AOPEP: variants seen among roughly 807,000 people sequenced by gnomAD.
AOPEP encodes aminopeptidase O (putative), also known as aminopeptidase O.
In AOPEP, 77 loss-of-function variants were observed where a neutral mutation model predicts 98.1. The ratio of observed to expected loss-of-function variants is 0.78; its 90% CI spans 0.65 to 0.95. The LOEUF (loss-of-function observed/expected upper bound fraction) is 0.95. Ranked by LOEUF, AOPEP falls within the 40% of genes least tolerant of loss-of-function variation. The probability of loss-of-function intolerance (pLI) is 0.00; values close to 1 mark genes in which losing one functional copy is unlikely to be tolerated. For synonymous variants in AOPEP, 346 were observed against 365.3 expected (o/e 0.95, Z 0.60); for missense variants, 1,024 against 1,024.7 (o/e 1.00, Z 0.01).
At chr9:94,969,596 A>T (rs949763763) in intron 10 of AOPEP, among the ~76,000 whole-genome samples, 1 of 151,912 alleles carries the variant, frequency 6.6e-6, no homozygotes, top group Non-Finnish European at 1.5e-5. Flanking sequence ...TTTAGTAGAG[A>T]TGGGGTTTCA....
the AOPEP span, among the ~76,000 whole-genome samples, chr9:95,106,882 A>G: frequency 2.0e-5 from 3 of 152,176 alleles, no homozygotes; most frequent in Non-Finnish European, 2.9e-5. Flanking sequence ...CTTCTATGAC[A>G]TAAAGGTGCT....
At chr9:94,879,496 C>G (rs2047331487) in intron 5 of AOPEP, among the ~76,000 whole-genome samples, 1 of 152,176 alleles carries the variant, frequency 6.6e-6, no homozygotes, top group Non-Finnish European at 1.5e-5. Flanking sequence ...TATTTAACTG[C>G]TTTTAACTTA....
chr9:94,757,107 CAG>C (rs1238512516), intron 1 of AOPEP, among the ~76,000 whole-genome samples: 1 of 152,126 alleles, frequency 6.6e-6, no homozygotes, highest in Non-Finnish European at 1.5e-5. Flanking sequence ...TTCAGTGGGG[CAG>C]AATAAGCTTA....
chr9:94,830,525 A>G (rs898502483), intron 5 of AOPEP, among the ~76,000 whole-genome samples: 1 of 152,240 alleles, frequency 6.6e-6, no homozygotes, highest in African/African-American at 2.4e-5. Flanking sequence ...TCTTTATAAT[A>G]AAATGATTTA....
At chr9:94,841,865 A>G (rs2042312026) in intron 5 of AOPEP, among the ~76,000 whole-genome samples, 1 of 152,124 alleles carries the variant, frequency 6.6e-6, no homozygotes, top group Non-Finnish European at 1.5e-5. Flanking sequence ...CAGCCAGGGC[A>G]ACAAAGCGAG....
At chr9:94,730,615 ATC>A (rs1309719916) in intron 1 of AOPEP, among the ~76,000 whole-genome samples, 4 of 152,224 alleles carry the variant, frequency 2.6e-5, no homozygotes, top group Non-Finnish European at 5.9e-5. Context: ...AAAATATAGG[ATC>A]TCTCTATCTT....
intron 13 of AOPEP, among the ~76,000 whole-genome samples, chr9:95,016,644 A>G (rs904637959): frequency 1.3e-5 from 2 of 151,854 alleles, no homozygotes; most frequent in Non-Finnish European, 2.9e-5. Flanking sequence ...ATGGGGTCTC[A>G]TTCTGTCACC....
At chr9:94,762,648 G>T (rs754351102) in intron 2 of AOPEP, among the ~76,000 whole-genome samples, 18 of 152,232 alleles carry the variant, frequency 1.2e-4, no homozygotes, top group Middle Eastern at 3.4e-3. Context: ...CTGAGGATAA[G>T]AAAAATTATT....
At chr9:94,821,911 A>G (rs960998939) in intron 5 of AOPEP, among the ~76,000 whole-genome samples, 2 of 151,880 alleles carry the variant, frequency 1.3e-5, no homozygotes, top group African/African-American at 2.4e-5. Context: ...CTAAAAGGCA[A>G]CCATTTTAGT....
intron 2 of AOPEP, among the ~76,000 whole-genome samples, chr9:94,767,003 C>A (rs1029274499): frequency 6.6e-6 from 1 of 151,996 alleles, no homozygotes; most frequent in East Asian, 1.9e-4. Flanking sequence ...CTCCCCCCTC[C>A]CCCCACTGAA....
intron 5 of AOPEP, among the ~76,000 whole-genome samples, chr9:94,813,112 C>G (rs555921714): frequency 3.9e-5 from 6 of 152,020 alleles, no homozygotes; most frequent in Non-Finnish European, 8.8e-5. Context: ...ATTGGCTATA[C>G]GTTGTTAAGC....
chr9:94,816,285 T>C (rs1409928827), intron 5 of AOPEP, among the ~76,000 whole-genome samples: 1 of 152,228 alleles, frequency 6.6e-6, no homozygotes, highest in African/African-American at 2.4e-5. Flanking sequence ...GTTGTCAGCA[T>C]AAGCCTTGGC....
chr9:94,996,391 T>TGTGTGAGAGA (rs375605056), intron 11 of AOPEP, among the ~76,000 whole-genome samples: 1 of 144,658 alleles, frequency 6.9e-6, no homozygotes, highest in African/African-American at 2.6e-5. Context: ...TGTGTGTGTG[T>TGTGTGAGAGA]GAGAGAGAGA....
intron 5 of AOPEP, among the ~76,000 whole-genome samples, chr9:94,816,109 A>G (rs777970547): frequency 1.3e-5 from 2 of 152,132 alleles, no homozygotes; most frequent in African/African-American, 4.8e-5. Flanking sequence ...TTATTTTATC[A>G]TAGTTCACAG....
the AOPEP span, among the ~76,000 whole-genome samples, chr9:95,121,970 G>C: frequency 5.0e-4 from 76 of 150,658 alleles, no homozygotes; most frequent in African/African-American, 1.8e-3. Context: ...CCATTATCCT[G>C]CCTCAGCCTC....
intron 5 of AOPEP, among the ~76,000 whole-genome samples, chr9:94,834,806 ATG>A (rs1237506884): frequency 1.6e-4 from 23 of 142,392 alleles, no homozygotes; most frequent in Admixed American, 8.2e-4. Context: ...GCATGCATGC[ATG>A]CATGCATACA....
chr9:94,948,880 TG>T (rs2057890117), intron 7 of AOPEP, among the ~76,000 whole-genome samples: 1 of 152,254 alleles, frequency 6.6e-6, no homozygotes, highest in Non-Finnish European at 1.5e-5. Context: ...TTTGTTGTCC[TG>T]GGCCTTCTCC....
At chr9:95,049,596 G>A (rs2066159259) in intron 13 of AOPEP, among the ~76,000 whole-genome samples, 1 of 152,102 alleles carries the variant, frequency 6.6e-6, no homozygotes, top group Non-Finnish European at 1.5e-5. Flanking sequence ...TAACATCAAA[G>A]TAAAATTCCA....
the AOPEP span, chr9:95,135,265 C>G: frequency 7.5e-7 from 1 of 1,332,936 alleles, no homozygotes; most frequent in South Asian, 1.2e-5. Context: ...TTACATCCCC[C>G]CCTTTCATTC....
Sources: gnomAD v4.1 joint callset for allele counts (sites outside exome capture counted in the v4.1 genomes callset) on GRCh38, gnomAD v4.1.1 for gene constraint, MANE v1.5 for transcripts, NCBI Gene and HGNC (gene_info 2026-07-23, HGNC 2026-07-21) for gene names.